Variants in PTPRD observed in about 807,000 individuals in gnomAD.
The protein encoded by PTPRD is protein tyrosine phosphatase receptor type D, also known as receptor-type tyrosine-protein phosphatase delta.
In PTPRD, 34 loss-of-function variants were observed where a neutral mutation model predicts 214.5. The ratio of observed to expected loss-of-function variants is 0.16; its 90% CI spans 0.12 to 0.21. The LOEUF is 0.21. Among genes scored for constraint, PTPRD ranks in the 10% least tolerant of loss-of-function variants. The probability of loss-of-function intolerance (pLI) is 1.00; values close to 1 mark genes in which losing one functional copy is unlikely to be tolerated. For missense variants in PTPRD, 2,545 were observed against 2,398.7 expected (o/e 1.06, Z -1.27); for synonymous variants, 1,128 against 845.7 (o/e 1.33, Z -5.79).
intron 8 of PTPRD, among the ~76,000 whole-genome samples, chr9:9,509,046 AT>A (rs1414686082): frequency 6.6e-6 from 1 of 151,416 alleles, no homozygotes; most frequent in Non-Finnish European, 1.5e-5. Context: ...AGAAAAAAAA[AT>A]CTTATAAATT....
At chr9:10,548,425 T>C (rs1234735506) in intron 2 of PTPRD, among the ~76,000 whole-genome samples, 4 of 152,142 alleles carry the variant, frequency 2.6e-5, no homozygotes, top group Non-Finnish European at 5.9e-5. Context: ...TATTTTCATC[T>C]ATGGCATCAA....
chr9:9,978,296 T>G (rs2095427921), intron 4 of PTPRD, among the ~76,000 whole-genome samples: 1 of 152,050 alleles, frequency 6.6e-6, no homozygotes, highest in South Asian at 2.1e-4. Context: ...GTTGACAATC[T>G]AGTAAAAAAG....
intron 11 of PTPRD, among the ~76,000 whole-genome samples, chr9:8,969,398 A>C (rs911633640): frequency 6.6e-6 from 1 of 152,070 alleles, no homozygotes; most frequent in Non-Finnish European, 1.5e-5. Context: ...CTTTTCCTCA[A>C]ATATGAAAGG....
intron 14 of PTPRD, among the ~76,000 whole-genome samples, chr9:8,582,440 A>G (rs2093253227): frequency 6.6e-6 from 1 of 152,242 alleles, no homozygotes; most frequent in Non-Finnish European, 1.5e-5. Context: ...GTTCAGTCAA[A>G]AAACAAACAT....
intron 12 of PTPRD, among the ~76,000 whole-genome samples, chr9:8,694,763 C>T (rs1017940978): frequency 2.0e-5 from 3 of 152,058 alleles, no homozygotes; most frequent in African/African-American, 7.2e-5. Context: ...AATCTGTATA[C>T]TACCTATTTT....
chr9:8,940,042 T>G (rs2099021479), intron 11 of PTPRD, among the ~76,000 whole-genome samples: 1 of 135,660 alleles, frequency 7.4e-6, no homozygotes, highest in Admixed American at 8.2e-5. Context: ...AGATTATTTC[T>G]GTATTTAACT....
intron 2 of PTPRD, among the ~76,000 whole-genome samples, chr9:10,556,296 A>G (rs1448948994): frequency 6.6e-6 from 1 of 152,042 alleles, no homozygotes; most frequent in East Asian, 1.9e-4. Flanking sequence ...TCGAAATTTT[A>G]CAATGTATGT....
At chr9:9,377,097 A>C (rs905919700) in intron 9 of PTPRD, among the ~76,000 whole-genome samples, 6 of 152,116 alleles carry the variant, frequency 3.9e-5, no homozygotes, top group African/African-American at 1.2e-4. Flanking sequence ...ATTTTTTTTT[A>C]ATTTCAAAAG....
Position 10,530,672 on chromosome 9 carries a change from A to G in PTPRD, c.-600+81726T>C, listed in dbSNP as rs184449277. On this transcript the variant is annotated intron_variant, in intron 2 of 45. Transcript: ENST00000381196. ...AAAATAATAATTAATCATAATGATA[A>G]TAAGAGCCAGATTAAAAGAACTCTC... Among the ~76,000 whole-genome samples, 104 of 152,318 alleles carry G rather than the reference A, an allele frequency of 6.8e-4. 1 individual carries two copies. The highest frequency in any genetic ancestry group is 3.5e-4 in the Non-Finnish European group (24 of 68,030).
At chr9:8,404,375 C>G (rs963453338) in intron 36 of PTPRD, among the ~76,000 whole-genome samples, 162 bp downstream of exon 36, 1 of 152,098 alleles carries the variant, frequency 6.6e-6, no homozygotes, top group African/African-American at 2.4e-5. Flanking sequence ...GCGATCCACC[C>G]GCCTCAGCCT....
At chr9:10,357,944 A>C (rs764180563) in intron 2 of PTPRD, among the ~76,000 whole-genome samples, 3 of 152,168 alleles carry the variant, frequency 2.0e-5, no homozygotes, top group African/African-American at 4.8e-5. Flanking sequence ...TTCCAAGCTA[A>C]AGCAATATTG....
rs200058727 is a variant in PTPRD, at chr9:8,484,110, T to A, written c.3413+9A>T. 1 of 1,610,572 alleles carries A rather than the reference T, an allele frequency of 6.2e-7. No homozygotes were observed. The highest frequency in any genetic ancestry group is 8.5e-7 in the Non-Finnish European group (1 of 1,177,102). The stretch of plus-strand genomic sequence containing the variant: ...CTTTCCTTCAGCCCTAAGCCTTCAA[T>A]CAACTTACTTTATATTCTCATTTGC... On this transcript the variant is annotated intron_variant, in intron 30 of 45. Coordinates refer to ENST00000381196, the MANE Select transcript of PTPRD (RefSeq NM_002839.4).
chr9:10,518,189 G>A (rs2050768857), intron 2 of PTPRD, among the ~76,000 whole-genome samples: 1 of 152,084 alleles, frequency 6.6e-6, no homozygotes, highest in African/African-American at 2.4e-5. Context: ...GATATTAATA[G>A]TGAGAAAATT....
intron 2 of PTPRD, among the ~76,000 whole-genome samples, chr9:10,579,406 G>T (rs888855804): frequency 1.3e-5 from 2 of 152,124 alleles, no homozygotes; most frequent in Non-Finnish European, 2.9e-5. Flanking sequence ...TTAGGACAGT[G>T]GCCTCCAGCT....
chr9:9,118,659 A>T (rs2154461090), intron 10 of PTPRD, among the ~76,000 whole-genome samples: 1 of 152,332 alleles, frequency 6.6e-6, no homozygotes, highest in Non-Finnish European at 1.5e-5. Flanking sequence ...TATTGAGACG[A>T]CAGGGTTTTG....
intron 8 of PTPRD, among the ~76,000 whole-genome samples, chr9:9,464,229 C>A (rs1055487616): frequency 5.3e-5 from 8 of 152,112 alleles, no homozygotes; most frequent in African/African-American, 1.9e-4. Context: ...TGGTAACATA[C>A]CCATCACCCA....
chr9:9,864,390 A>T (rs1255160447), intron 5 of PTPRD, among the ~76,000 whole-genome samples: 1 of 152,146 alleles, frequency 6.6e-6, no homozygotes, highest in Non-Finnish European at 1.5e-5. Flanking sequence ...AGTTGGGAAT[A>T]GAGGTCTAGA....
intron 12 of PTPRD, among the ~76,000 whole-genome samples, chr9:8,657,421 G>A (rs1169318028): frequency 2.0e-5 from 3 of 151,980 alleles, no homozygotes; most frequent in Non-Finnish European, 4.4e-5. Flanking sequence ...CACCCACCTT[G>A]GCCCCCCAAA....
rs370688608 is a variant in PTPRD at position 9,244,101 on chromosome 9, G to C, written c.-202-60738C>G. Reference sequence around the variant, plus strand: ...CAAGGGATGTGAAGGACCTCTCCAAGGAGAACTACAAACCACTGCTCTACA... The same window carrying C: ...CAAGGGATGTGAAGGACCTCTCCAACGAGAACTACAAACCACTGCTCTACA... On this transcript the variant is annotated intron_variant, in intron 9 of 45. Coordinates refer to ENST00000381196, the MANE Select transcript of PTPRD (RefSeq NM_002839.4). Among the ~76,000 whole-genome samples the C allele has an allele frequency of 1.8e-4, 27 of 152,194 alleles. No individual in the cohort carries two copies. In the South Asian group the frequency reaches 5.6e-3, roughly 32 times the overall value.
Sources: allele counts gnomAD v4.1 joint callset (sites outside exome capture counted in the v4.1 genomes callset), GRCh38; gene constraint gnomAD v4.1.1; transcripts MANE v1.5; gene names NCBI Gene and HGNC (gene_info 2026-07-23, HGNC 2026-07-21).